MTA3: variants seen among roughly 807,000 people sequenced by gnomAD.
The protein encoded by MTA3 is metastasis-associated protein MTA3.
Under a neutral mutation model 83.5 loss-of-function variants are expected in MTA3, and 34 were observed. The observed-to-expected ratio is 0.41, with a 90% confidence interval of 0.31 to 0.54. MTA3 has a LOEUF of 0.54. MTA3 is among the 20% of genes least tolerant of loss of function. The probability of loss-of-function intolerance (pLI) is 0.33; values close to 1 mark genes in which losing one functional copy is unlikely to be tolerated. For synonymous variants in MTA3, 303 were observed against 252.7 expected, an observed-to-expected ratio of 1.20 and a Z score of -1.89; for missense variants, 761 against 726.4, an observed-to-expected ratio of 1.05 and a Z score of -0.55.
intron 2 of MTA3, among the ~76,000 whole-genome samples, chr2:42,542,260 A>G (rs1676552889): frequency 6.6e-6 from 1 of 152,196 alleles, no homozygotes; most frequent in African/African-American, 2.4e-5. Context: ...CCCTGAGCCC[A>G]TCTCTGCGAA....
chr2:42,642,865 G>A (rs1177188137), intron 5 of MTA3, among the ~76,000 whole-genome samples: 3 of 152,122 alleles, frequency 2.0e-5, no homozygotes, highest in South Asian at 2.1e-4. Context: ...GGCTAGTCTC[G>A]AAGTCCTGAC....
chr2:42,659,619 A>G (rs1323430783), intron 7 of MTA3, 144 bp from the exon 8 acceptor site: 1 of 429,416 alleles, frequency 2.3e-6, no homozygotes, highest in Non-Finnish European at 3.9e-6. Context: ...TTTTTATTTG[A>G]TGTTTGATTC....
At chr2:42,595,625 A>C (rs1681703852) in intron 3 of MTA3, among the ~76,000 whole-genome samples, 2 of 152,210 alleles carry the variant, frequency 1.3e-5, no homozygotes, top group Admixed American at 6.6e-5. Flanking sequence ...TTCTCCTATT[A>C]GAACAAGGAA....
intron 2 of MTA3, chr2:42,511,835 A>G (rs1163171266): frequency 1.3e-5 from 2 of 152,214 alleles, no homozygotes; most frequent in South Asian, 2.1e-4. Context: ...TAGCTAACAC[A>G]GTGAAACCCC....
intron 12 of MTA3, among the ~76,000 whole-genome samples, chr2:42,706,723 A>G (rs1666120452): frequency 6.6e-6 from 1 of 152,220 alleles, no homozygotes. Context: ...TCAGTAATTT[A>G]AACTACAAAA....
intron 3 of MTA3, among the ~76,000 whole-genome samples, chr2:42,597,339 A>G (rs1288832050): frequency 1.3e-5 from 2 of 149,702 alleles, no homozygotes; most frequent in East Asian, 2.0e-4. Flanking sequence ...TGTTGGGATT[A>G]CAGGAGTGAG....
intron 4 of MTA3, among the ~76,000 whole-genome samples, chr2:42,621,410 T>G (rs1354077035): frequency 6.6e-6 from 1 of 152,188 alleles, no homozygotes; most frequent in Non-Finnish European, 1.5e-5. Context: ...TAACCCTGAG[T>G]GGACACAGCA....
chr2:42,505,781 T>TTTTTG (rs1255245911), intron 2 of MTA3, among the ~76,000 whole-genome samples: 1 of 150,848 alleles, frequency 6.6e-6, no homozygotes, highest in Non-Finnish European at 1.5e-5. Flanking sequence ...TTTTTTTTTT[T>TTTTTG]TTTTTGAGAT....
intron 2 of MTA3, among the ~76,000 whole-genome samples, chr2:42,546,198 A>G (rs998122847): frequency 6.6e-6 from 1 of 152,156 alleles, no homozygotes; most frequent in Non-Finnish European, 1.5e-5. Flanking sequence ...GCTGGCACTT[A>G]AAATATAAAT....
At chr2:42,738,087 C>T (rs1294697127) in intron 16 of MTA3, among the ~76,000 whole-genome samples, 3 of 152,090 alleles carry the variant, frequency 2.0e-5, no homozygotes, top group East Asian at 3.8e-4. Flanking sequence ...CATGCTGAAA[C>T]CTTGTCCCTA....
rs962633088 is a variant in MTA3, at chr2:42,595,866, T to C, written c.191-13592T>C. Among the ~76,000 whole-genome samples, 3 of 152,214 alleles carry C rather than the reference T, an allele frequency of 2.0e-5. No individual in the cohort carries two copies. In the East Asian group the frequency reaches 5.8e-4, roughly 29 times the overall value. Reference sequence around the variant, plus strand: ...TAATACCAGACACTCTAAATGCTTTTACATGTAAGTCCATTTTATTCTACA... The same window carrying C: ...TAATACCAGACACTCTAAATGCTTTCACATGTAAGTCCATTTTATTCTACA... On this transcript the variant is annotated intron_variant, in intron 3 of 16. Transcript: ENST00000405094.
intron 3 of MTA3, among the ~76,000 whole-genome samples, chr2:42,588,606 A>G (rs1680608906): frequency 6.6e-6 from 1 of 152,182 alleles, no homozygotes; most frequent in Non-Finnish European, 1.5e-5. Flanking sequence ...GGCCCTTTGC[A>G]TTCTCATTTT....
rs968792141 is a variant in MTA3 at position 42,676,390 on chromosome 2, A to G, written c.703-6011A>G. Among the ~76,000 whole-genome samples the G allele has an allele frequency of 2.6e-5, 4 of 152,334 alleles. No homozygotes were observed. The East Asian group carries it at 5.8e-4, about 22-fold the overall frequency. On this transcript the variant is annotated intron_variant, in intron 8 of 16. Transcript: ENST00000405094. ...TGAACACAAAACTGAAAATCCATTCATGATTTGAGTGGTTGGTGTAGCATC... is the reference window on the plus strand; with the variant it reads ...TGAACACAAAACTGAAAATCCATTCGTGATTTGAGTGGTTGGTGTAGCATC...
intron 2 of MTA3, among the ~76,000 whole-genome samples, chr2:42,540,086 C>G (rs1466878199): frequency 6.6e-6 from 1 of 151,830 alleles, no homozygotes; most frequent in African/African-American, 2.4e-5. Flanking sequence ...CAGTGCATCA[C>G]AGGCCCTGTC....
At chr2:42,537,549 G>A (rs1676301338) in intron 2 of MTA3, among the ~76,000 whole-genome samples, 1 of 150,992 alleles carries the variant, frequency 6.6e-6, no homozygotes, top group Admixed American at 6.6e-5. Context: ...TGGAAGACAA[G>A]AGTGAAACTC....
At chr2:42,532,209 C>T (rs1051795979) in intron 2 of MTA3, among the ~76,000 whole-genome samples, 1 of 152,184 alleles carries the variant, frequency 6.6e-6, no homozygotes, top group African/African-American at 2.4e-5. Context: ...ACAAATATTT[C>T]GTACATAATA....
chr2:42,747,669 C>A (rs983266703), intron 16 of MTA3, among the ~76,000 whole-genome samples: 24 of 151,686 alleles, frequency 1.6e-4, no homozygotes, highest in African/African-American at 5.3e-4. Flanking sequence ...AAGAGCAGGC[C>A]TCAGAAAACA....
intron 2 of MTA3, among the ~76,000 whole-genome samples, chr2:42,517,736 G>C (rs2103685217): frequency 6.6e-6 from 1 of 151,552 alleles, no homozygotes; most frequent in African/African-American, 2.4e-5. Flanking sequence ...AAATTAGCCA[G>C]GTGTGGTGGC....
intron 2 of MTA3, among the ~76,000 whole-genome samples, chr2:42,551,902 A>G (rs749939627): frequency 1.3e-5 from 2 of 151,866 alleles, no homozygotes; most frequent in South Asian, 2.1e-4. Flanking sequence ...AATTTTTTGT[A>G]TTTTTAGTAG....
Sources: allele counts gnomAD v4.1 joint callset (sites outside exome capture counted in the v4.1 genomes callset), GRCh38; gene constraint gnomAD v4.1.1; transcripts MANE v1.5; gene names NCBI Gene and HGNC (gene_info 2026-07-23, HGNC 2026-07-21).